The following ZNF782 variants were observed in gnomAD, a reference collection of about 807,000 sequenced individuals.
ZNF782 encodes zinc finger protein 782.
A neutral mutation model predicts 13.0 loss-of-function variants in ZNF782; 12 were observed. The observed-to-expected ratio is 0.92, with a 90% CI of 0.59 to 1.50. The LOEUF is 1.50. Ranked by LOEUF, ZNF782 falls within the 40% of genes most tolerant of loss-of-function variation. ZNF782 has a pLI of 0.00. For synonymous variants in ZNF782, 284 were observed against 283.0 expected (o/e 1.00, Z -0.04); for missense variants, 770 against 822.9 (o/e 0.94, Z 0.79).
At chr9:96,835,138 G>T (rs1406024714) in intron 4 of ZNF782, among the ~76,000 whole-genome samples, 4 of 152,202 alleles carry the variant, frequency 2.6e-5, no homozygotes, top group Non-Finnish European at 5.9e-5. Flanking sequence ...ATGGAAGGCA[G>T]AACTTAAGAG....
intron 4 of ZNF782, among the ~76,000 whole-genome samples, chr9:96,835,933 AC>A (rs1389806130): frequency 6.6e-6 from 1 of 152,086 alleles, no homozygotes; most frequent in African/African-American, 2.4e-5. Flanking sequence ...CACTGCTAGG[AC>A]CCCAAAATTG....
chr9:96,849,128 G>GT (rs1851421436), intron 3 of ZNF782, among the ~76,000 whole-genome samples: 1 of 152,212 alleles, frequency 6.6e-6, no homozygotes, highest in Non-Finnish European at 1.5e-5. Flanking sequence ...CCAGGAACTG[G>GT]TTTCCTGGAA....
chr9:96,820,972 C>G (rs1055062356), intron 5 of ZNF782, among the ~76,000 whole-genome samples: 3 of 152,210 alleles, frequency 2.0e-5, no homozygotes, highest in Admixed American at 6.5e-5. Flanking sequence ...TACTTTTTAA[C>G]ATTGCTAGTT....
chr9:96,911,822 G>A, the ZNF782 span, among the ~76,000 whole-genome samples: 1 of 151,956 alleles, frequency 6.6e-6, no homozygotes, highest in Non-Finnish European at 1.5e-5. Context: ...GCCCAGCCCT[G>A]AAAAACAATC....
At chr9:96,910,415 A>G in the ZNF782 span, 1 of 495,892 alleles carries the variant, frequency 2.0e-6, no homozygotes, top group African/African-American at 2.4e-5. Flanking sequence ...GACAGCAAAA[A>G]AGGAAAAGTT....
At position 96,817,580 on chromosome 9, in the gene ZNF782, C is replaced by T. The variant is rs1850211729; in HGVS notation, c.*343G>A. On this transcript the variant is annotated 3_prime_UTR_variant, in exon 6 of 6. Transcript: ENST00000481138. Reference sequence around the variant, plus strand: ...GGTGAATGAGTTTTGATTGTTGGCACAAAGTTTTCACATTTTTATTACTTT... The same window carrying T: ...GGTGAATGAGTTTTGATTGTTGGCATAAAGTTTTCACATTTTTATTACTTT... The T allele has an allele frequency of 5.1e-6, 1 of 194,688 alleles. No homozygotes were observed. Among genetic ancestry groups the T allele is most frequent in the Non-Finnish European group, 1.0e-5 (1 of 96,984 alleles). 12.1% of individuals were successfully genotyped at this position (194,688 alleles called of 1,614,324 possible).
intron 1 of ZNF782, among the ~76,000 whole-genome samples, chr9:96,871,141 A>C (rs1318393569): frequency 6.6e-6 from 1 of 152,214 alleles, no homozygotes; most frequent in Non-Finnish European, 1.5e-5. Context: ...GTAATAAAAA[A>C]TGATAAAACA....
intron 1 of ZNF782, among the ~76,000 whole-genome samples, chr9:96,862,767 T>C (rs1851715147): frequency 6.6e-6 from 1 of 152,240 alleles, no homozygotes; most frequent in Non-Finnish European, 1.5e-5. Flanking sequence ...AGTGTGCCTT[T>C]AATCACTACA....
intron 3 of ZNF782, among the ~76,000 whole-genome samples, chr9:96,851,243 C>G (rs1431030078): frequency 1.3e-5 from 2 of 151,674 alleles, no homozygotes; most frequent in East Asian, 3.9e-4. Context: ...AATGTAATGA[C>G]AAAAATTATA....
chr9:96,903,954 G>C, the ZNF782 span, among the ~76,000 whole-genome samples: 1 of 151,946 alleles, frequency 6.6e-6, no homozygotes, highest in Non-Finnish European at 1.5e-5. Flanking sequence ...GCTGCCAAGT[G>C]TTCTTCCAGA....
intron 3 of ZNF782, among the ~76,000 whole-genome samples, chr9:96,847,330 A>C (rs138004728): frequency 2.0e-4 from 31 of 152,326 alleles, no homozygotes; most frequent in Non-Finnish European, 4.1e-4. Context: ...AGATCAAAGT[A>C]GAACTAAATG....
At chr9:96,821,749 G>C (rs1038067100) in intron 5 of ZNF782, among the ~76,000 whole-genome samples, 2 of 150,190 alleles carry the variant, frequency 1.3e-5, no homozygotes, top group African/African-American at 4.9e-5. Context: ...TCGGCTCACT[G>C]CAAGCTTCAC....
At position 96,819,038 on chromosome 9, in the gene ZNF782, G is replaced by A; in HGVS notation, c.985C>T (p.Gln329Ter). The change falls in exon 6 of 6, where the codon CAG becomes TAG. Residue 329 changes from glutamine (Q) to a stop codon, truncating the protein, a stop_gained. Transcript: ENST00000481138. LOFTEE classifies it low-confidence loss of function (END_TRUNC). ...FNRNSTLPVH[Q>*]RTHATDKYSD... ...TATTTATCTGTTGCATGAGTTCTCT[G>A]ATGCACTGGGAGGGTTGAATTACGG... The A allele has an allele frequency of 1.2e-6, 2 of 1,614,176 alleles. No homozygotes were observed. Among genetic ancestry groups the A allele is most frequent in the Non-Finnish European group, 1.7e-6 (2 of 1,180,018 alleles).
At chr9:96,896,318 T>G in the ZNF782 span, among the ~76,000 whole-genome samples, 2 of 152,166 alleles carry the variant, frequency 1.3e-5, no homozygotes, top group African/African-American at 4.8e-5. Flanking sequence ...CAGCCCTATG[T>G]CATAATTTAA....
At chr9:96,849,223 T>C (rs1388421319) in intron 3 of ZNF782, among the ~76,000 whole-genome samples, 1 of 152,236 alleles carries the variant, frequency 6.6e-6, no homozygotes, top group East Asian at 1.9e-4. Context: ...AGGCATTAGT[T>C]AGATTCTCAT....
chr9:96,910,983 T>G, the ZNF782 span, among the ~76,000 whole-genome samples: 2 of 149,018 alleles, frequency 1.3e-5, no homozygotes. Flanking sequence ...TGCTTGTATT[T>G]TTAATTTACA....
At chr9:96,917,588 C>T in the ZNF782 span, among the ~76,000 whole-genome samples, 5 of 151,714 alleles carry the variant, frequency 3.3e-5, no homozygotes, top group Non-Finnish European at 5.9e-5. Context: ...CCCACCACCA[C>T]GCCCAGCTAT....
At chr9:96,839,728 AAC>A (rs1326362978) in intron 4 of ZNF782, among the ~76,000 whole-genome samples, 1 of 152,108 alleles carries the variant, frequency 6.6e-6, no homozygotes, top group Non-Finnish European at 1.5e-5. Flanking sequence ...TGCAAATATC[AAC>A]AGTTACGTAT....
upstream of ZNF782, among the ~76,000 whole-genome samples, chr9:96,879,005 GA>G (rs1385308982): frequency 6.6e-6 from 1 of 152,134 alleles, no homozygotes; most frequent in Non-Finnish European, 1.5e-5. Flanking sequence ...TTTAAAAAAA[GA>G]AAAACACAAT....
Sources: gnomAD v4.1 joint callset for allele counts (sites outside exome capture counted in the v4.1 genomes callset) on GRCh38, gnomAD v4.1.1 for gene constraint, MANE v1.5 for transcripts, NCBI Gene and HGNC (gene_info 2026-07-23, HGNC 2026-07-21) for gene names.